The following WDR70 variants were observed in gnomAD, a reference collection of about 807,000 sequenced individuals.
WDR70 encodes WD repeat-containing protein 70.
WDR70 carries 53 observed loss-of-function variants against 88.6 expected under a neutral mutation model. The ratio of observed to expected loss-of-function variants is 0.60; its 90% CI spans 0.48 to 0.75. WDR70 has a LOEUF of 0.75. Among genes scored for constraint, WDR70 ranks in the 30% least tolerant of loss-of-function variants. WDR70 has a pLI of 0.00. For synonymous variants in WDR70, 280 were observed against 270.0 expected (o/e 1.04, Z -0.36); for missense variants, 610 against 823.2 (o/e 0.74, Z 3.17).
intron 8 of WDR70, among the ~76,000 whole-genome samples, chr5:37,515,225 G>T (rs898383776): frequency 6.6e-6 from 1 of 152,176 alleles, no homozygotes; most frequent in African/African-American, 2.4e-5. Context: ...TTGAATCTGT[G>T]TAGATAGAAG....
chr5:37,513,743 A>G (rs990966520), intron 8 of WDR70, among the ~76,000 whole-genome samples: 10 of 152,128 alleles, frequency 6.6e-5, no homozygotes, highest in African/African-American at 2.4e-4. Context: ...AGGCTAGGCC[A>G]GTCTCTCATT....
At chr5:37,551,210 C>T (rs1474055593) in intron 9 of WDR70, among the ~76,000 whole-genome samples, 2 of 151,788 alleles carry the variant, frequency 1.3e-5, no homozygotes, top group African/African-American at 2.4e-5. Flanking sequence ...GAGGCCGAGG[C>T]AGGAGAATCA....
chr5:37,404,685 G>C (rs1220594596), intron 5 of WDR70, among the ~76,000 whole-genome samples: 2 of 152,058 alleles, frequency 1.3e-5, no homozygotes, highest in East Asian at 3.9e-4. Context: ...AACTGAGCCT[G>C]TAGCTCTGAC....
At chr5:37,700,975 G>A in intron 11 of WDR70, 83 bp from the exon 12 acceptor site, 1 of 810,484 alleles carries the variant, frequency 1.2e-6, no homozygotes, top group East Asian at 2.5e-5. Flanking sequence ...TATACATTAA[G>A]TTTAGCAGAC....
chr5:37,450,855 C>G (rs1738656594), intron 7 of WDR70, among the ~76,000 whole-genome samples: 1 of 151,646 alleles, frequency 6.6e-6, no homozygotes, highest in Admixed American at 6.6e-5. Flanking sequence ...GTGTGTGTGT[C>G]TGTGTCTATG....
At chr5:37,416,546 GGGGAGAGGGAGA>G (rs796254163) in intron 5 of WDR70, among the ~76,000 whole-genome samples, 2 of 149,908 alleles carry the variant, frequency 1.3e-5, no homozygotes, top group Admixed American at 6.6e-5. Context: ...GGGAGATCGT[GGGGAGAGGGAGA>G]GGGAGAGGGC....
intron 4 of WDR70, among the ~76,000 whole-genome samples, chr5:37,395,073 G>A (rs1268397104): frequency 6.6e-6 from 1 of 152,194 alleles, no homozygotes; most frequent in Non-Finnish European, 1.5e-5. Context: ...CTTTCCTGGA[G>A]CTTACATACC....
At chr5:37,523,970 T>G (rs1000913533) in intron 9 of WDR70, among the ~76,000 whole-genome samples, 1 of 152,164 alleles carries the variant, frequency 6.6e-6, no homozygotes, top group African/African-American at 2.4e-5. Flanking sequence ...CTAAGAAATA[T>G]GGGACTATGT....
intron 10 of WDR70, among the ~76,000 whole-genome samples, chr5:37,647,472 T>C (rs1745271256): frequency 6.6e-6 from 1 of 152,162 alleles, no homozygotes. Flanking sequence ...GTATTTATTG[T>C]AGTCTTGTAG....
Position 37,752,462 on chromosome 5 carries a change from T to G in WDR70, c.1878-24T>G, listed in dbSNP as rs376701910. The G allele has an allele frequency of 2.4e-5, 38 of 1,582,870 alleles. No homozygotes were observed. In the African/African-American group the frequency reaches 4.4e-4, roughly 18 times the overall value. The stretch of plus-strand genomic sequence containing the variant: ...AATACTTTCTGACTAAATTTTTCCT[T>G]CTCTTCTTTAACTTTTCTTTTAGGA... On this transcript the variant is annotated intron_variant, in intron 17 of 17. Coordinates refer to ENST00000265107, the MANE Select transcript of WDR70 (RefSeq NM_018034.4).
In WDR70 at chr5:37,582,254, GT is replaced by G. The variant is rs60290354; in HGVS notation, c.918-22808del. Among the ~76,000 whole-genome samples, 1,326 of 152,234 alleles carry G rather than the reference GT, an allele frequency of 8.7e-3. 23 individuals carry two copies. Among genetic ancestry groups the G allele is most frequent in the African/African-American group, 0.03 (1,255 of 41,536 alleles). On this transcript the variant is annotated intron_variant, in intron 9 of 17. Coordinates refer to ENST00000265107, the MANE Select transcript of WDR70 (RefSeq NM_018034.4). ...TGTGCTGTCCATTGCATTTAGACTAGTTAACTATAGGGATAGGTGAAAACCA... is the reference window on the plus strand; with the variant it reads ...TGTGCTGTCCATTGCATTTAGACTAGTAACTATAGGGATAGGTGAAAACCA...
chr5:37,565,106 C>T (rs1340211294), intron 9 of WDR70, among the ~76,000 whole-genome samples: 2 of 152,086 alleles, frequency 1.3e-5, no homozygotes, highest in South Asian at 4.1e-4. Context: ...GAAGATCTTA[C>T]AGATCTTGTT....
chr5:37,744,190 T>A (rs182606506), intron 17 of WDR70, among the ~76,000 whole-genome samples: 19 of 152,112 alleles, frequency 1.2e-4, no homozygotes, highest in African/African-American at 4.3e-4. Flanking sequence ...AGAGTAGCCC[T>A]GATTATTGAA....
In WDR70 at chr5:37,747,885, A is replaced by G. The variant is rs567426240; in HGVS notation, c.1878-4601A>G. The stretch of plus-strand genomic sequence containing the variant: ...TCAAATCATGAATGAACTCCCATTC[A>G]CAGTCACTACAAAGAGAATAAAATA... On this transcript the variant is annotated intron_variant, in intron 17 of 17. Coordinates refer to ENST00000265107, the MANE Select transcript of WDR70 (RefSeq NM_018034.4). Among the ~76,000 whole-genome samples the G allele has an allele frequency of 2.0e-5, 3 of 152,338 alleles. No individual in the cohort carries two copies. In the East Asian group the frequency reaches 5.8e-4, roughly 29 times the overall value.
At chr5:37,612,656 C>A (rs1438816591) in intron 10 of WDR70, among the ~76,000 whole-genome samples, 2 of 152,130 alleles carry the variant, frequency 1.3e-5, no homozygotes, top group African/African-American at 2.4e-5. Flanking sequence ...CTGTGAACAT[C>A]TTACGCATCC....
At chr5:37,704,036 A>G (rs1747246477) in intron 13 of WDR70, among the ~76,000 whole-genome samples, 1 of 152,232 alleles carries the variant, frequency 6.6e-6, no homozygotes, top group South Asian at 2.1e-4. Flanking sequence ...CTAATGTTCT[A>G]GTATTACTAT....
intron 3 of WDR70, 117 bp downstream of exon 3, chr5:37,381,802 C>T (rs1581237117): frequency 1.9e-6 from 2 of 1,040,996 alleles, no homozygotes; most frequent in East Asian, 3.8e-5. Context: ...GCCTGTAATC[C>T]CAGCACTTAG....
Position 37,379,633 on chromosome 5 carries a change from C to T in WDR70, c.91+79C>T. The T allele has an allele frequency of 2.7e-6, 4 of 1,484,046 alleles. No homozygotes were observed. In the South Asian group the frequency reaches 4.6e-5, roughly 17 times the overall value. The allele number at this position is 1,484,046 out of a possible 1,614,324, so 91.9% of individuals were successfully genotyped here. A position where few individuals can be genotyped will look rare whatever the true frequency, so the allele number is the denominator to read the frequency against. ...CCGCAGAGTGGGAGTGGAGATCGAG[C>T]TGTCAACTCGGAATTATTGTAGCTC... On this transcript the variant is annotated intron_variant, in intron 2 of 17. Transcript: ENST00000265107.
intron 3 of WDR70, among the ~76,000 whole-genome samples, chr5:37,391,540 G>A (rs1358686860): frequency 1.3e-5 from 2 of 152,174 alleles, no homozygotes; most frequent in Admixed American, 1.3e-4. Context: ...TGAGTGGTCT[G>A]TCTCACTTAG....
Sources: gnomAD v4.1 joint callset for allele counts (sites outside exome capture counted in the v4.1 genomes callset) on GRCh38, gnomAD v4.1.1 for gene constraint, MANE v1.5 for transcripts, NCBI Gene and HGNC (gene_info 2026-07-23, HGNC 2026-07-21) for gene names.